TBC1D5: variants seen among roughly 807,000 people sequenced by gnomAD.
The protein encoded by TBC1D5 is TBC1 domain family member 5, also known as TBC1 domain family, member 5.
In TBC1D5, 75 loss-of-function variants were observed where a neutral mutation model predicts 100.3. The ratio of observed to expected loss-of-function variants is 0.75; its 90% confidence interval spans 0.62 to 0.91. The LOEUF is 0.91. Ranked by LOEUF, TBC1D5 falls within the 40% of genes least tolerant of loss-of-function variation. TBC1D5 has a pLI of 0.00. For missense variants in TBC1D5, 910 were observed against 942.4 expected, an observed-to-expected ratio of 0.97 and a Z score of 0.45; for synonymous variants, 323 against 325.6, an observed-to-expected ratio of 0.99 and a Z score of 0.09.
intron 1 of TBC1D5, among the ~76,000 whole-genome samples, chr3:17,726,236 A>T (rs1003583446): frequency 6.6e-6 from 1 of 152,210 alleles, no homozygotes; most frequent in African/African-American, 2.4e-5. Context: ...GTACCCAATA[A>T]TGGGGTTGTA....
intron 3 of TBC1D5, among the ~76,000 whole-genome samples, chr3:17,432,789 T>C (rs980525558): frequency 6.6e-6 from 1 of 152,178 alleles, no homozygotes; most frequent in Non-Finnish European, 1.5e-5. Flanking sequence ...AGGTTCCTAT[T>C]AAACCTTTCA....
At chr3:17,405,604 G>A (rs116423702) in intron 5 of TBC1D5, among the ~76,000 whole-genome samples, 1,695 of 152,018 alleles carry the variant, frequency 0.011, 31 homozygotes, top group African/African-American at 0.038. Context: ...TGGGGGTGGC[G>A]CACAAATACT....
intron 18 of TBC1D5, among the ~76,000 whole-genome samples, chr3:17,198,673 G>A (rs1313583804): frequency 2.0e-5 from 3 of 152,144 alleles, no homozygotes; most frequent in Admixed American, 2.0e-4. Flanking sequence ...CAACTGTCTT[G>A]CTTTCAACCT....
At chr3:17,241,866 A>C (rs2076335566) in intron 16 of TBC1D5, among the ~76,000 whole-genome samples, 2 of 152,208 alleles carry the variant, frequency 1.3e-5, no homozygotes, top group South Asian at 4.1e-4. Flanking sequence ...TAAATGTTTA[A>C]AAAAAACCCA....
intron 18 of TBC1D5, among the ~76,000 whole-genome samples, chr3:17,213,957 G>C (rs964758366): frequency 6.7e-6 from 1 of 150,216 alleles, no homozygotes; most frequent in East Asian, 1.9e-4. Flanking sequence ...AGAAAAAAAG[G>C]ACTGGGATTT....
chr3:17,567,166 C>A (rs1446518567), intron 2 of TBC1D5, among the ~76,000 whole-genome samples: 3 of 151,708 alleles, frequency 2.0e-5, no homozygotes, highest in Non-Finnish European at 4.4e-5. Context: ...TCAAGTAAAT[C>A]ATTTTGTTTC....
At chr3:17,624,900 G>A (rs913352323) in intron 1 of TBC1D5, among the ~76,000 whole-genome samples, 3 of 152,022 alleles carry the variant, frequency 2.0e-5, no homozygotes, top group South Asian at 2.1e-4. Context: ...CAGAGAGAAC[G>A]TCTAAAATAA....
At chr3:17,604,557 A>G (rs948417710) in intron 2 of TBC1D5, among the ~76,000 whole-genome samples, 1 of 152,172 alleles carries the variant, frequency 6.6e-6, no homozygotes, top group African/African-American at 2.4e-5. Context: ...TTTGACTATG[A>G]TTATACTCTA....
At chr3:17,580,248 ATT>A (rs2096684996) in intron 2 of TBC1D5, among the ~76,000 whole-genome samples, 1 of 152,200 alleles carries the variant, frequency 6.6e-6, no homozygotes, top group Admixed American at 6.6e-5. Context: ...CAGGCATATA[ATT>A]CATAAATGCC....
chr3:17,309,580 G>C (rs2083766905), intron 13 of TBC1D5, among the ~76,000 whole-genome samples: 1 of 151,814 alleles, frequency 6.6e-6, no homozygotes, highest in African/African-American at 2.4e-5. Flanking sequence ...TTAATAAAAT[G>C]AGGGGTGATT....
At chr3:17,418,371 G>T (rs1338799318) in intron 4 of TBC1D5, among the ~76,000 whole-genome samples, 1 of 152,122 alleles carries the variant, frequency 6.6e-6, no homozygotes, top group Non-Finnish European at 1.5e-5. Context: ...ACTTTGGGAG[G>T]CTGAGGTGGG....
At chr3:17,192,236 A>G (rs1308158286) in intron 18 of TBC1D5, among the ~76,000 whole-genome samples, 1 of 152,130 alleles carries the variant, frequency 6.6e-6, no homozygotes, top group Non-Finnish European at 1.5e-5. Context: ...GAAAAAAGTG[A>G]AAGGTGATTG....
At chr3:17,354,550 T>C (rs2091007646) in intron 13 of TBC1D5, among the ~76,000 whole-genome samples, 1 of 152,102 alleles carries the variant, frequency 6.6e-6, no homozygotes, top group Non-Finnish European at 1.5e-5. Context: ...TGTTTAAAAT[T>C]ACCTCCGAGT....
chr3:17,731,969 T>A (rs1384621488), intron 1 of TBC1D5, among the ~76,000 whole-genome samples: 2 of 152,164 alleles, frequency 1.3e-5, no homozygotes, highest in Non-Finnish European at 2.9e-5. Flanking sequence ...CAGTAGGCAA[T>A]CAGATACACA....
At chr3:17,341,443 A>G (rs1014108013) in intron 13 of TBC1D5, among the ~76,000 whole-genome samples, 2 of 152,016 alleles carry the variant, frequency 1.3e-5, no homozygotes, top group Admixed American at 6.6e-5. Flanking sequence ...TGATCCACCC[A>G]CCTCGGCCTC....
chr3:17,653,120 T>C (rs745414345), intron 1 of TBC1D5, among the ~76,000 whole-genome samples: 1 of 152,050 alleles, frequency 6.6e-6, no homozygotes, highest in African/African-American at 2.4e-5. Flanking sequence ...ACATCCAGAA[T>C]AGGTAAATCT....
At chr3:17,415,304 C>T (rs958225021) in intron 4 of TBC1D5, among the ~76,000 whole-genome samples, 1 of 151,850 alleles carries the variant, frequency 6.6e-6, no homozygotes, top group African/African-American at 2.4e-5. Flanking sequence ...ACTACAGGCA[C>T]CCACCACCAC....
chr3:17,543,877 C>A (rs199550088), intron 2 of TBC1D5, among the ~76,000 whole-genome samples: 1 of 144,568 alleles, frequency 6.9e-6, no homozygotes, highest in Admixed American at 6.9e-5. Context: ...TTTTTTTTTT[C>A]TTTTTTTTTG....
At chr3:17,494,053 G>A (rs1231624154) in intron 3 of TBC1D5, among the ~76,000 whole-genome samples, 1 of 152,014 alleles carries the variant, frequency 6.6e-6, no homozygotes, top group African/African-American at 2.4e-5. Context: ...CATCTTTGTG[G>A]GTTTATCTAC....
Sources: allele counts gnomAD v4.1 joint callset (sites outside exome capture counted in the v4.1 genomes callset), GRCh38; gene constraint gnomAD v4.1.1; transcripts MANE v1.5; gene names NCBI Gene and HGNC (gene_info 2026-07-23, HGNC 2026-07-21).